The following CD163L1 variants were observed in gnomAD, a reference collection of about 807,000 sequenced individuals.
The protein encoded by CD163L1 is scavenger receptor cysteine-rich type 1 protein M160.
In CD163L1, 124 loss-of-function variants were observed where a neutral mutation model predicts 165.4. The observed-to-expected ratio is 0.75, with a 90% CI of 0.65 to 0.87. CD163L1 has a LOEUF of 0.87. CD163L1 is among the 40% of genes least tolerant of loss of function. The pLI is 0.00. For missense variants in CD163L1, 1,525 were observed against 1,799.9 expected (o/e 0.85, Z 2.76); for synonymous variants, 585 against 662.2 (o/e 0.88, Z 1.79).
In CD163L1 at chr12:7,369,659, A is replaced by G; in HGVS notation, c.3737T>C (p.Ile1246Thr). The stretch of plus-strand genomic sequence containing the variant: ...CTCGGTGTCTCCTCCACGCACTCTT[A>G]TTCTATCTACAAAGGCACAAAACAT... ...EETWITCEDR[I>T]RVRGGDTECS... is the part of the protein sequence containing the mutation. The change falls in exon 15 of 20, where the codon ATA becomes ACA. Residue 1246 changes from isoleucine (I) to threonine (T), a missense_variant. Transcript: ENST00000313599. The surrounding 1 kb of genome is among the most constrained non-coding windows in gnomAD (Gnocchi z 4.9). 6.2e-7 allele frequency: 1 copy of G among 1,611,700 alleles called. No homozygotes were observed. The highest frequency in any genetic ancestry group is 1.1e-5 in the South Asian group (1 of 90,986).
At chr12:7,323,144 A>G in the CD163L1 span, 1 of 1,255,272 alleles carries the variant, frequency 8.0e-7, no homozygotes, top group African/African-American at 1.5e-5. Context: ...CAGGAAAATC[A>G]GTCAAAATCA....
At chr12:7,411,917 T>C (rs894671899) in intron 4 of CD163L1, among the ~76,000 whole-genome samples, 4 of 152,234 alleles carry the variant, frequency 2.6e-5, no homozygotes, top group Non-Finnish European at 5.9e-5. Context: ...CAAACAACTA[T>C]TAGCATCCCA....
chr12:7,429,521 A>T (rs1490756667), intron 4 of CD163L1, among the ~76,000 whole-genome samples: 1 of 151,964 alleles, frequency 6.6e-6, no homozygotes, highest in African/African-American at 2.4e-5. Context: ...ATGTTCCAAC[A>T]CTCTTAGCAT....
At chr12:7,322,544 A>G in the CD163L1 span, 1 of 1,612,730 alleles carries the variant, frequency 6.2e-7, no homozygotes, top group African/African-American at 1.3e-5. Flanking sequence ...CGGAAGTGGT[A>G]TATCTAAAGG....
chr12:7,372,645 A>G lies in CD163L1; in HGVS notation c.3730+675T>C, dbSNP rs775355587. 1.1e-4 allele frequency among the ~76,000 whole-genome samples: 17 copies of G among 151,886 alleles called. No individual in the cohort carries two copies. Among genetic ancestry groups the G allele is most frequent in the Non-Finnish European group, 2.2e-4 (15 of 67,862 alleles). On this transcript the variant is annotated intron_variant, in intron 14 of 19. Coordinates refer to ENST00000313599, the MANE Select transcript of CD163L1 (RefSeq NM_174941.6). The surrounding 1 kb of genome is among the most constrained non-coding windows in gnomAD (Gnocchi z 4.2). ...TACATGCATATATATCATACTATAT[A>G]TACATATACATATATAGTATCTATA...
chr12:7,439,426 C>G, intron 2 of CD163L1: 7 of 1,589,234 alleles, frequency 4.4e-6, no homozygotes, highest in Non-Finnish European at 6.0e-6. Flanking sequence ...TTCCAAGGAG[C>G]TCTCCAGGTC....
chr12:7,344,311 C>T (rs1200214435), downstream of CD163L1, among the ~76,000 whole-genome samples: 1 of 152,104 alleles, frequency 6.6e-6, no homozygotes, highest in African/African-American at 2.4e-5. Context: ...TTGTTCACCT[C>T]TCTCAACTAC....
Position 7,432,704 on chromosome 12 carries a change from C to T in CD163L1, c.478G>A (p.Gly160Arg), listed in dbSNP as rs1306113212. 6.2e-7 allele frequency: 1 copy of T among 1,612,004 alleles called. No individual in the cohort carries two copies. The highest frequency in any genetic ancestry group is 2.2e-5 in the East Asian group (1 of 44,818). The stretch of plus-strand genomic sequence containing the variant: ...ACTCTCCCTGAACAGGAGTTGTTTC[C>T]ATCCACTAGCCTCAAACCCAGATTG... ...EANLGLRLVDGNNSCSGRVEV... is the reference protein window; with the variant it reads ...EANLGLRLVDRNNSCSGRVEV... Residue 160 changes from glycine to arginine, a missense_variant, in exon 4 of 20, where the codon GGA (glycine) becomes AGA (arginine). By Grantham distance (125) the Gly-to-Arg change is moderately radical. Transcript: ENST00000313599. The surrounding 1 kb of genome is among the most constrained non-coding windows in gnomAD (Gnocchi z 4.2).
At chr12:7,429,917 C>T (rs889312813) in intron 4 of CD163L1, among the ~76,000 whole-genome samples, 1 of 152,136 alleles carries the variant, frequency 6.6e-6, no homozygotes, top group African/African-American at 2.4e-5. Context: ...CTTGCCATAG[C>T]TCCCCAGTCT....
chr12:7,322,621 C>T, the CD163L1 span: 2 of 1,490,766 alleles, frequency 1.3e-6, no homozygotes, highest in South Asian at 1.4e-5. Flanking sequence ...CCTGAAGTGC[C>T]CCCATCCCAC....
intron 6 of CD163L1, among the ~76,000 whole-genome samples, chr12:7,403,154 A>G (rs1027419219): frequency 6.6e-6 from 1 of 151,824 alleles, no homozygotes; most frequent in Admixed American, 6.6e-5. Context: ...TCTCTATAAT[A>G]AGCCTTAATT....
At chr12:7,322,884 C>T in the CD163L1 span, among the ~76,000 whole-genome samples, 7 of 152,128 alleles carry the variant, frequency 4.6e-5, no homozygotes, top group African/African-American at 9.7e-5. Flanking sequence ...GTGCATTTAA[C>T]GGAGTCCAAG....
chr12:7,422,060 G>A (rs531863142), intron 4 of CD163L1, among the ~76,000 whole-genome samples: 61 of 152,176 alleles, frequency 4.0e-4, no homozygotes, highest in Non-Finnish European at 6.8e-4. Context: ...GCATCATGCC[G>A]GTGCCCTCTG....
chr12:7,403,157 C>A (rs1300465808), intron 6 of CD163L1, among the ~76,000 whole-genome samples: 2 of 151,138 alleles, frequency 1.3e-5, no homozygotes, highest in South Asian at 2.1e-4. Context: ...CTATAATAAG[C>A]CTTAATTTAT....
rs1034272441 is a variant in CD163L1 at position 7,369,987 on chromosome 12, C to T, written c.3731-322G>A. ...ATTTCAGTGTCCTATCTGACCCAAA[C>T]ATCCTATCTTGCCCCTCTCATTTTC... On this transcript the variant is annotated intron_variant, in intron 14 of 19. Coordinates refer to ENST00000313599, the MANE Select transcript of CD163L1 (RefSeq NM_174941.6). This position sits in a 1 kb window ranked among gnomAD's most constrained non-coding sequence, Gnocchi z 4.9. 6.6e-6 allele frequency among the ~76,000 whole-genome samples: 1 copy of T among 152,216 alleles called. No homozygotes were observed. The highest frequency in any genetic ancestry group is 2.4e-5 in the African/African-American group (1 of 41,460).
chr12:7,336,724 G>A, the CD163L1 span, among the ~76,000 whole-genome samples: 1 of 151,964 alleles, frequency 6.6e-6, no homozygotes. Flanking sequence ...TCATGCATAG[G>A]AAGAATCAAT....
chr12:7,421,730 T>C (rs1948440874), intron 4 of CD163L1, among the ~76,000 whole-genome samples: 1 of 104,018 alleles, frequency 9.6e-6, no homozygotes, highest in Admixed American at 1.3e-4. Flanking sequence ...CGTATATATG[T>C]ATATATGTGT....
chr12:7,332,327 G>A, the CD163L1 span, among the ~76,000 whole-genome samples: 5,638 of 152,168 alleles, frequency 0.037, 104 homozygotes, highest in Middle Eastern at 0.061. Flanking sequence ...TGAAAGTGAC[G>A]GGGAGAATGG....
At chr12:7,367,173 T>A (rs1947040381) in intron 18 of CD163L1, 63 bp downstream of exon 18, 1 of 948,968 alleles carries the variant, frequency 1.1e-6, no homozygotes, top group Admixed American at 2.0e-5. Context: ...TTCCTAAATA[T>A]CAGCGGTATT....
Sources: allele counts gnomAD v4.1 joint callset (sites outside exome capture counted in the v4.1 genomes callset), GRCh38; gene constraint gnomAD v4.1.1; non-coding constraint Gnocchi (gnomAD v3.1); transcripts MANE v1.5; gene names NCBI Gene and HGNC (gene_info 2026-07-23, HGNC 2026-07-21).